The following ANKS1B variants were observed in gnomAD, a reference collection of about 807,000 sequenced individuals.
ANKS1B encodes ankyrin repeat and sterile alpha motif domain containing 1B, also known as ankyrin repeat and sterile alpha motif domain-containing protein 1B.
In ANKS1B, 36 loss-of-function variants were observed where a neutral mutation model predicts 148.3. The observed-to-expected ratio is 0.24, with a 90% CI of 0.19 to 0.32. ANKS1B has a LOEUF of 0.32. ANKS1B is among the 10% of genes least tolerant of loss of function. The pLI is 1.00. For missense variants in ANKS1B, 1,157 were observed against 1,542.6 expected (o/e 0.75, Z 4.19); for synonymous variants, 542 against 560.8 (o/e 0.97, Z 0.47).
At chr12:98,759,057 A>G (rs1166946614) in intron 25 of ANKS1B, among the ~76,000 whole-genome samples, 1 of 151,666 alleles carries the variant, frequency 6.6e-6, no homozygotes, top group Non-Finnish European at 1.5e-5. Flanking sequence ...CTAGAATTAT[A>G]GGCATGAACC....
chr12:98,805,879 T>C (rs1347079724), intron 20 of ANKS1B, among the ~76,000 whole-genome samples: 1 of 152,208 alleles, frequency 6.6e-6, no homozygotes, highest in Non-Finnish European at 1.5e-5. Context: ...TTTATTATTA[T>C]TTATTTTTCC....
chr12:99,306,542 T>C (rs939049781), intron 12 of ANKS1B, among the ~76,000 whole-genome samples: 7 of 152,096 alleles, frequency 4.6e-5, no homozygotes, highest in African/African-American at 1.7e-4. Context: ...TTTCTGATGA[T>C]GGTTTTACAT....
At chr12:99,698,958 C>CTCTGTGTGTGTG (rs1555552803) in intron 8 of ANKS1B, among the ~76,000 whole-genome samples, 1 of 97,108 alleles carries the variant, frequency 1.0e-5, no homozygotes, top group Admixed American at 1.3e-4. Flanking sequence ...TACTGCTGTT[C>CTCTGTGTGTGTG]TGTGTGTGTG....
intron 17 of ANKS1B, among the ~76,000 whole-genome samples, chr12:98,991,241 G>T (rs2153276687): frequency 6.6e-6 from 1 of 152,154 alleles, no homozygotes; most frequent in South Asian, 2.1e-4. Context: ...AAGTAAATGG[G>T]GGTACCATGA....
At chr12:99,301,163 C>T (rs2081545325) in intron 12 of ANKS1B, among the ~76,000 whole-genome samples, 1 of 152,190 alleles carries the variant, frequency 6.6e-6, no homozygotes. Context: ...CCTTCCTTCA[C>T]CTTTTCATTC....
intron 9 of ANKS1B, among the ~76,000 whole-genome samples, chr12:99,553,198 C>T (rs961808827): frequency 6.6e-6 from 1 of 152,134 alleles, no homozygotes; most frequent in African/African-American, 2.4e-5. Context: ...ACGAAGTATA[C>T]TAGGTATAAA....
intron 22 of ANKS1B, among the ~76,000 whole-genome samples, chr12:98,784,960 T>C (rs887619453): frequency 6.6e-6 from 1 of 152,102 alleles, no homozygotes; most frequent in African/African-American, 2.4e-5. Flanking sequence ...CACTGAGTCA[T>C]TTGACAAGAA....
At chr12:99,414,276 C>A (rs566462739) in intron 11 of ANKS1B, among the ~76,000 whole-genome samples, 169 of 152,204 alleles carry the variant, frequency 1.1e-3, no homozygotes, top group Middle Eastern at 3.4e-3. Context: ...AATTTGAAAA[C>A]CATTTCTCTA....
At chr12:99,639,745 T>C (rs145691466) in intron 9 of ANKS1B, among the ~76,000 whole-genome samples, 42 of 152,344 alleles carry the variant, frequency 2.8e-4, no homozygotes, top group Middle Eastern at 6.8e-3. Context: ...TCAATCTTGA[T>C]TGTAAGTTTC....
chr12:99,671,419 AG>A (rs2098537685), intron 8 of ANKS1B, among the ~76,000 whole-genome samples: 1 of 152,160 alleles, frequency 6.6e-6, no homozygotes, highest in Non-Finnish European at 1.5e-5. Flanking sequence ...GTCTCTCAAC[AG>A]CCCCGCAATC....
At position 99,244,432 on chromosome 12, in the gene ANKS1B, C is replaced by T; in HGVS notation, c.2347-18G>A. 1.3e-6 allele frequency: 2 copies of T among 1,504,052 alleles called. No homozygotes were observed. Among genetic ancestry groups the T allele is most frequent in the Non-Finnish European group, 1.8e-6 (2 of 1,095,106 alleles). 93.2% of individuals were successfully genotyped at this position (1,504,052 alleles called of 1,614,324 possible). A position where few individuals can be genotyped will look rare whatever the true frequency, so the allele number is the denominator to read the frequency against. ...TTGTCAATCTGTAAGAAACAAAAAC[C>T]ATTTAAATGGATTGTTACATTCACT... On this transcript the variant is annotated intron_variant, in intron 13 of 26. Coordinates refer to ENST00000683438, the MANE Select transcript of ANKS1B (RefSeq NM_001352186.2).
chr12:98,738,169 C>T (rs555845309), intron 9 of ANKS1B, among the ~76,000 whole-genome samples: 1 of 152,302 alleles, frequency 6.6e-6, no homozygotes, highest in South Asian at 2.1e-4. Context: ...TCAACAATGA[C>T]TTGCTCCTGA....
At chr12:99,228,800 C>T (rs2086369957) in intron 14 of ANKS1B, among the ~76,000 whole-genome samples, 1 of 151,778 alleles carries the variant, frequency 6.6e-6, no homozygotes. Flanking sequence ...TATTTTGACT[C>T]AAAACTGATA....
chr12:99,052,449 C>T (rs796270971), intron 17 of ANKS1B, among the ~76,000 whole-genome samples: 51 of 152,026 alleles, frequency 3.4e-4, no homozygotes, highest in African/African-American at 1.1e-3. Flanking sequence ...GACAAGGGGC[C>T]GGGCGCGGTG....
At chr12:99,838,092 A>G (rs2085130561) in intron 1 of ANKS1B, among the ~76,000 whole-genome samples, 1 of 151,592 alleles carries the variant, frequency 6.6e-6, no homozygotes, top group South Asian at 2.1e-4. Context: ...CCAAGTTGCC[A>G]AAGACATTAT....
At chr12:99,519,018 T>C (rs1009109890) in intron 9 of ANKS1B, among the ~76,000 whole-genome samples, 2 of 152,134 alleles carry the variant, frequency 1.3e-5, no homozygotes, top group African/African-American at 4.8e-5. Flanking sequence ...AATTTTCATG[T>C]GTCTGTATAG....
chr12:99,132,780 T>C (rs1014244720), intron 15 of ANKS1B, among the ~76,000 whole-genome samples: 1 of 152,194 alleles, frequency 6.6e-6, no homozygotes, highest in Non-Finnish European at 1.5e-5. Context: ...TATAGTGTTA[T>C]CAATATCCAC....
intron 10 of ANKS1B, among the ~76,000 whole-genome samples, chr12:99,449,963 T>C (rs935377280): frequency 2.0e-5 from 3 of 151,978 alleles, no homozygotes; most frequent in Admixed American, 6.6e-5. Flanking sequence ...AAAGATTTAC[T>C]GTAAGGCATT....
At position 98,744,681 on chromosome 12, in the gene ANKS1B, T is replaced by TC. The variant is rs1263706275; in HGVS notation, c.*1057_*1058insG. On this transcript the variant is annotated 3_prime_UTR_variant, in exon 27 of 27. Coordinates refer to ENST00000683438, the MANE Select transcript of ANKS1B (RefSeq NM_001352186.2). Reference sequence around the variant, plus strand: ...GTTTTATTACTTTGGAATTTCTTCTTTTTTTTTTTTGTATTTATTTTTTCT... The same window carrying TC: ...GTTTTATTACTTTGGAATTTCTTCTTCTTTTTTTTTTGTATTTATTTTTTCT... The TC allele has an allele frequency of 3.3e-6, 3 of 899,752 alleles. No homozygotes were observed. The highest frequency in any genetic ancestry group is 3.7e-5 in the African/African-American group (2 of 54,484). The allele number at this position is 899,752 out of a possible 1,614,324, so 55.7% of individuals were successfully genotyped here. A position where few individuals can be genotyped will look rare whatever the true frequency, so the allele number is the denominator to read the frequency against.
Sources: gnomAD v4.1 joint callset for allele counts (sites outside exome capture counted in the v4.1 genomes callset) on GRCh38, gnomAD v4.1.1 for gene constraint, MANE v1.5 for transcripts, NCBI Gene and HGNC (gene_info 2026-07-23, HGNC 2026-07-21) for gene names.